ZCCHC4: variants seen among roughly 807,000 people sequenced by gnomAD.
The protein encoded by ZCCHC4 is zinc finger CCHC-type containing 4, also known as rRNA N(6)-adenosine-methyltransferase ZCCHC4.
Under a neutral mutation model 67.7 loss-of-function variants are expected in ZCCHC4, and 54 were observed. That is an observed-to-expected ratio of 0.80 (90% CI 0.64 to 1.00). The LOEUF (loss-of-function observed/expected upper bound fraction) is 1.00. Ranked by LOEUF, ZCCHC4 falls within the 50% of genes least tolerant of loss-of-function variation. The pLI is 0.00. For missense variants in ZCCHC4, 609 were observed against 617.0 expected, an observed-to-expected ratio of 0.99 and a Z score of 0.14; for synonymous variants, 198 against 213.5, an observed-to-expected ratio of 0.93 and a Z score of 0.63.
At chr4:25,366,616 T>C (rs1318114675) in intron 12 of ZCCHC4, among the ~76,000 whole-genome samples, 6 of 152,320 alleles carry the variant, frequency 3.9e-5, no homozygotes, top group African/African-American at 1.2e-4. Flanking sequence ...ACGCCCAGCC[T>C]GAAGAATCTT....
At chr4:25,360,279 TC>T in intron 8 of ZCCHC4, among the ~76,000 whole-genome samples, 1 of 152,248 alleles carries the variant, frequency 6.6e-6, no homozygotes, top group Non-Finnish European at 1.5e-5. Flanking sequence ...GAGACCGCCT[TC>T]CTTGCAGCCA....
intron 2 of ZCCHC4, 88 bp from the exon 3 acceptor site, chr4:25,315,230 G>GA: frequency 8.4e-7 from 1 of 1,188,022 alleles, no homozygotes; most frequent in Non-Finnish European, 1.2e-6. Context: ...TTGAATTTCT[G>GA]ACTTCTTGAT....
chr4:25,325,095 T>G (rs1718793517), intron 3 of ZCCHC4, among the ~76,000 whole-genome samples: 1 of 142,336 alleles, frequency 7.0e-6, no homozygotes, highest in African/African-American at 2.5e-5. Flanking sequence ...TACAAAAAAT[T>G]AGCCGGGCGA....
chr4:25,351,694 A>G lies in ZCCHC4; in HGVS notation c.1011+5A>G. On this transcript the variant is annotated splice_donor_5th_base_variant and intron_variant, in intron 8 of 12. Coordinates refer to ENST00000302874, the MANE Select transcript of ZCCHC4 (RefSeq NM_024936.3). ...TTCCAGATGCTGGATTACCAGGTAG[A>G]GTACATATTCTGTTTTCTGGCATGG... The G allele has an allele frequency of 6.2e-7, 1 of 1,600,120 alleles. No individual in the cohort carries two copies. The highest frequency in any genetic ancestry group is 8.5e-7 in the Non-Finnish European group (1 of 1,170,254).
intron 6 of ZCCHC4, among the ~76,000 whole-genome samples, chr4:25,347,834 G>T (rs933392522): frequency 6.6e-6 from 1 of 152,188 alleles, no homozygotes; most frequent in African/African-American, 2.4e-5. Context: ...AGTATGTAGA[G>T]AGGATGGCTA....
intron 3 of ZCCHC4, among the ~76,000 whole-genome samples, chr4:25,325,854 G>A (rs1252857312): frequency 6.6e-6 from 1 of 152,154 alleles, no homozygotes; most frequent in Non-Finnish European, 1.5e-5. Flanking sequence ...TGAGGTAAGA[G>A]TCAAGGTTCA....
chr4:25,327,385 C>T (rs1389226611), intron 3 of ZCCHC4, among the ~76,000 whole-genome samples: 2 of 134,532 alleles, frequency 1.5e-5, no homozygotes, highest in South Asian at 5.4e-4. Flanking sequence ...AATCTCCCTC[C>T]CTCCCTCCCT....
chr4:25,321,148 A>G (rs1262171857), intron 3 of ZCCHC4, among the ~76,000 whole-genome samples: 1 of 151,568 alleles, frequency 6.6e-6, no homozygotes, highest in East Asian at 1.9e-4. Context: ...AACCAGGTAT[A>G]TTTTTTCTTT....
At position 25,320,360 on chromosome 4, in the gene ZCCHC4, G is replaced by T. The variant is rs541023416; in HGVS notation, c.329+4960G>T. ...GTTTTGTTTCGTTGATATTTCATTTGGTTATTTTTTTTCAGATCTCATTTA... is the reference window on the plus strand; with the variant it reads ...GTTTTGTTTCGTTGATATTTCATTTTGTTATTTTTTTTCAGATCTCATTTA... On this transcript the variant is annotated intron_variant, in intron 3 of 12. Transcript: ENST00000302874. 1.1e-4 allele frequency among the ~76,000 whole-genome samples: 16 copies of T among 151,976 alleles called. No homozygotes were observed. In the South Asian group the frequency reaches 3.1e-3, roughly 30 times the overall value.
chr4:25,358,022 A>G (rs1319570110), intron 8 of ZCCHC4, among the ~76,000 whole-genome samples: 1 of 152,256 alleles, frequency 6.6e-6, no homozygotes, highest in African/African-American at 2.4e-5. Flanking sequence ...AGGTGGATTC[A>G]TAGCAGTCTT....
At chr4:25,341,935 ATCCTGG>A (rs1719774531) in intron 5 of ZCCHC4, among the ~76,000 whole-genome samples, 1 of 152,162 alleles carries the variant, frequency 6.6e-6, no homozygotes, top group South Asian at 2.1e-4. Flanking sequence ...TAGTTGTAAT[ATCCTGG>A]TCAGAGTAGG....
chr4:25,334,390 GTA>G (rs1395618590), intron 5 of ZCCHC4, among the ~76,000 whole-genome samples: 3 of 152,176 alleles, frequency 2.0e-5, no homozygotes, highest in Admixed American at 6.5e-5. Context: ...ATTTCTTTTA[GTA>G]TATTTTACTG....
intron 12 of ZCCHC4, chr4:25,365,780 T>G: frequency 1.0e-6 from 1 of 985,426 alleles, no homozygotes; most frequent in Non-Finnish European, 1.2e-6. Context: ...AATAGCTTAT[T>G]TAGAAGAGGC....
At chr4:25,314,015 CTTTTT>C in intron 1 of ZCCHC4, 26 bp from the exon 2 acceptor site, 1 of 1,022,000 alleles carries the variant, frequency 9.8e-7, no homozygotes, top group Non-Finnish European at 1.4e-6. Context: ...TTACTTGACA[CTTTTT>C]TTTTTTTTTT....
At chr4:25,365,981 TTGACATTATATGAAATTATA>T (rs1720924525) in intron 12 of ZCCHC4, 2 of 947,278 alleles carry the variant, frequency 2.1e-6, no homozygotes, top group Non-Finnish European at 2.5e-6. Flanking sequence ...ACAGCTAAAT[TTGACATTATATGAAATTATA>T]TGACATTATA....
At chr4:25,342,930 T>C (rs1390870707) in intron 5 of ZCCHC4, among the ~76,000 whole-genome samples, 1 of 152,222 alleles carries the variant, frequency 6.6e-6, no homozygotes, top group Non-Finnish European at 1.5e-5. Context: ...GAGTTTCATG[T>C]AAATCAAATT....
intron 5 of ZCCHC4, among the ~76,000 whole-genome samples, chr4:25,343,294 A>G (rs1056680317): frequency 2.0e-5 from 3 of 152,200 alleles, no homozygotes; most frequent in African/African-American, 7.2e-5. Context: ...ATATTTTAGG[A>G]AATGTGCTAA....
intron 11 of ZCCHC4, 34 bp downstream of exon 11, chr4:25,364,539 G>T: frequency 6.7e-7 from 1 of 1,502,650 alleles, no homozygotes; most frequent in South Asian, 1.3e-5. Context: ...GAGATCCTAT[G>T]AACATATTTT....
rs576478844 is a variant in ZCCHC4 at position 25,359,496 on chromosome 4, C to G, written c.1012-2363C>G. ...TGGGTCTGTTGTCTTGGCCAGAGAC[C>G]GCCACCTGGTCTGATACCAAGGAGG... is the stretch of plus-strand genomic sequence containing the variant. On this transcript the variant is annotated intron_variant, in intron 8 of 12. Coordinates refer to ENST00000302874, the MANE Select transcript of ZCCHC4 (RefSeq NM_024936.3). The surrounding 1 kb of genome is among the most constrained non-coding windows in gnomAD (Gnocchi z 4.9). Among the ~76,000 whole-genome samples the G allele has an allele frequency of 2.0e-5, 3 of 152,120 alleles. No homozygotes were observed. Among genetic ancestry groups the G allele is most frequent in the Non-Finnish European group, 2.9e-5 (2 of 68,012 alleles).
Sources: gnomAD v4.1 joint callset for allele counts (sites outside exome capture counted in the v4.1 genomes callset) on GRCh38, gnomAD v4.1.1 for gene constraint, Gnocchi (gnomAD v3.1) non-coding constraint, MANE v1.5 for transcripts, NCBI Gene and HGNC (gene_info 2026-07-23, HGNC 2026-07-21) for gene names.